Variants in SPECC1L observed in about 807,000 individuals in gnomAD.
SPECC1L encodes sperm antigen with calponin homology and coiled-coil domains 1 like, also known as cytospin-A.
A neutral mutation model predicts 116.8 loss-of-function variants in SPECC1L; 40 were observed. That is an observed-to-expected ratio of 0.34 (90% confidence interval 0.27 to 0.45). SPECC1L has a LOEUF of 0.45. SPECC1L is among the 20% of genes least tolerant of loss of function. SPECC1L has a pLI of 1.00. For synonymous variants in SPECC1L, 504 were observed against 500.6 expected (o/e 1.01, Z -0.09); for missense variants, 1,110 against 1,373.6 (o/e 0.81, Z 3.03).
At chr22:24,291,064 T>G (rs2049147383) in intron 2 of SPECC1L, among the ~76,000 whole-genome samples, 1 of 152,248 alleles carries the variant, frequency 6.6e-6, no homozygotes, top group Admixed American at 6.5e-5. Context: ...AAGTCTGTTC[T>G]TAATTTACAA....
At chr22:24,342,051 T>C (rs746287777) in intron 10 of SPECC1L, among the ~76,000 whole-genome samples, 3 of 152,230 alleles carry the variant, frequency 2.0e-5, no homozygotes, top group Non-Finnish European at 4.4e-5. Context: ...ATAAATGGAT[T>C]GTTTTAAGCC....
Position 24,347,169 on chromosome 22 carries a change from T to C in SPECC1L, c.2736T>C (p.Pro912=). Residue 912 remains proline (P), a synonymous_variant, in exon 11 of 17, where the codon CCT becomes CCC. Transcript: ENST00000314328. ...AGAGACCAAACTATGGGGAAATCCC[T>C]GTTCAAGGTACGTGTAATATGCCAT... ...SDKRPNYGEI[P]VQEHLLRTSS... 2 of 1,613,036 alleles carry C rather than the reference T, an allele frequency of 1.2e-6. No homozygotes were observed. Among genetic ancestry groups the C allele is most frequent in the Non-Finnish European group, 1.7e-6 (2 of 1,179,042 alleles).
At chr22:24,291,484 T>C (rs2049154585) in intron 2 of SPECC1L, among the ~76,000 whole-genome samples, 1 of 150,490 alleles carries the variant, frequency 6.6e-6, no homozygotes, top group African/African-American at 2.4e-5. Flanking sequence ...TTGACATCTG[T>C]GGGCCATGGT....
intron 1 of SPECC1L, among the ~76,000 whole-genome samples, chr22:24,272,533 C>T (rs2048749310): frequency 6.6e-6 from 1 of 151,916 alleles, no homozygotes; most frequent in African/African-American, 2.4e-5. Context: ...ATTAGTCGGG[C>T]GTGGTGGCAC....
intron 14 of SPECC1L, among the ~76,000 whole-genome samples, chr22:24,374,574 T>C (rs1266593114): frequency 2.4e-5 from 3 of 125,978 alleles, no homozygotes; most frequent in Non-Finnish European, 3.1e-5. Flanking sequence ...AATTGAACAA[T>C]GAGAACACAT....
At chr22:24,411,990 G>T (rs1298878983) in intron 15 of SPECC1L, among the ~76,000 whole-genome samples, 1 of 152,212 alleles carries the variant, frequency 6.6e-6, no homozygotes, top group Non-Finnish European at 1.5e-5. Context: ...GCTTCACCAG[G>T]AGGGGCCCAA....
intron 11 of SPECC1L, among the ~76,000 whole-genome samples, chr22:24,347,481 A>G (rs2041321321): frequency 6.6e-6 from 1 of 152,212 alleles, no homozygotes; most frequent in Non-Finnish European, 1.5e-5. Flanking sequence ...GATACCAAAA[A>G]TGAGGCTTAA....
intron 14 of SPECC1L, among the ~76,000 whole-genome samples, chr22:24,378,264 A>T (rs546811078): frequency 6.6e-6 from 1 of 152,354 alleles, no homozygotes; most frequent in East Asian, 1.9e-4. Context: ...CAGCTTCGTC[A>T]CCAATCTCAG....
intron 16 of SPECC1L, among the ~76,000 whole-genome samples, chr22:24,413,703 A>G (rs2042746067): frequency 6.6e-6 from 1 of 152,200 alleles, no homozygotes; most frequent in Admixed American, 6.5e-5. Flanking sequence ...TAAAGTTCCA[A>G]TATATAAAAA....
At chr22:24,402,637 C>T (rs997791628) in intron 14 of SPECC1L, among the ~76,000 whole-genome samples, 1 of 152,172 alleles carries the variant, frequency 6.6e-6, no homozygotes, top group Non-Finnish European at 1.5e-5. Context: ...CCACCTCTGC[C>T]TGAAGGTGGA....
At chr22:24,367,968 T>A (rs1167295646) in intron 13 of SPECC1L, among the ~76,000 whole-genome samples, 2 of 152,176 alleles carry the variant, frequency 1.3e-5, no homozygotes, top group Non-Finnish European at 2.9e-5. Context: ...TTTCTCTGGG[T>A]ATTCCTTGGT....
intron 3 of SPECC1L, among the ~76,000 whole-genome samples, chr22:24,308,207 AATGTATAACCTT>A (rs2049540534): frequency 6.6e-6 from 1 of 152,202 alleles, no homozygotes. Flanking sequence ...GCTAGTATCT[AATGTATAACCTT>A]TCATTAAATT....
chr22:24,371,862 C>T (rs1251756103), intron 14 of SPECC1L, among the ~76,000 whole-genome samples: 1 of 152,192 alleles, frequency 6.6e-6, no homozygotes, highest in African/African-American at 2.4e-5. Flanking sequence ...GCTGGGATTA[C>T]AAACGTGTGC....
chr22:24,413,259 T>G (rs544583585), intron 16 of SPECC1L, among the ~76,000 whole-genome samples: 3 of 152,308 alleles, frequency 2.0e-5, no homozygotes, highest in Non-Finnish European at 4.4e-5. Flanking sequence ...TCAGGTTCTT[T>G]AGGCCTCTCA....
At chr22:24,382,727 G>T (rs1481489663) in intron 14 of SPECC1L, among the ~76,000 whole-genome samples, 6 of 99,648 alleles carry the variant, frequency 6.0e-5, no homozygotes, top group South Asian at 3.0e-4. Context: ...AAAAAAAAAA[G>T]AGTAATGAAC....
intron 2 of SPECC1L, among the ~76,000 whole-genome samples, chr22:24,277,895 G>T (rs1365944437): frequency 2.0e-5 from 3 of 152,206 alleles, no homozygotes; most frequent in Non-Finnish European, 4.4e-5. Flanking sequence ...GTTCTCTCAG[G>T]TGTATATCTG....
At chr22:24,346,301 G>C (rs1159601585) in intron 10 of SPECC1L, among the ~76,000 whole-genome samples, 1 of 152,198 alleles carries the variant, frequency 6.6e-6, no homozygotes, top group Non-Finnish European at 1.5e-5. Context: ...CACTGCGCCT[G>C]GCCGTGGTGG....
At chr22:24,392,168 G>C (rs1356879972) in intron 14 of SPECC1L, among the ~76,000 whole-genome samples, 1 of 152,226 alleles carries the variant, frequency 6.6e-6, no homozygotes, top group Non-Finnish European at 1.5e-5. Context: ...CTCCACGGCA[G>C]TGTCCCAGAC....
intron 11 of SPECC1L, among the ~76,000 whole-genome samples, chr22:24,358,544 C>T (rs947186120): frequency 6.6e-6 from 1 of 152,230 alleles, no homozygotes; most frequent in Non-Finnish European, 1.5e-5. Flanking sequence ...CATAATTCAG[C>T]TCTTTGGAGC....
Sources: allele counts gnomAD v4.1 joint callset (sites outside exome capture counted in the v4.1 genomes callset), GRCh38; gene constraint gnomAD v4.1.1; transcripts MANE v1.5; gene names NCBI Gene and HGNC (gene_info 2026-07-23, HGNC 2026-07-21).